The following TCF4 variants were observed in gnomAD, a reference collection of about 807,000 sequenced individuals.
TCF4 encodes the protein transcription factor 4.
TCF4 carries 3 observed loss-of-function variants against 82.1 expected under a neutral mutation model. The ratio of observed to expected loss-of-function variants is 0.04; its 90% confidence interval spans 0.02 to 0.09. The LOEUF (loss-of-function observed/expected upper bound fraction) is 0.09. TCF4 is among the 10% of genes least tolerant of loss of function. TCF4 has a pLI of 1.00. For synonymous variants in TCF4, 276 were observed against 309.6 expected, an observed-to-expected ratio of 0.89 and a Z score of 1.14; for missense variants, 518 against 852.7, an observed-to-expected ratio of 0.61 and a Z score of 4.89.
At chr18:55,237,448 A>G (rs1337629728) in intron 15 of TCF4, among the ~76,000 whole-genome samples, 1 of 150,258 alleles carries the variant, frequency 6.7e-6, no homozygotes, top group African/African-American at 2.4e-5. Flanking sequence ...AAAGAATGTT[A>G]GAGACAAAGT....
chr18:55,585,590 A>G, intron 2 of TCF4: 1 of 600,046 alleles, frequency 1.7e-6, no homozygotes, highest in Non-Finnish European at 2.8e-6. Context: ...GCCAAGCAGT[A>G]CTACTGCTAC....
intron 5 of TCF4, among the ~76,000 whole-genome samples, chr18:55,446,408 G>C (rs1053521265): frequency 6.6e-6 from 1 of 152,144 alleles, no homozygotes; most frequent in African/African-American, 2.4e-5. Flanking sequence ...ATGTTTAGCT[G>C]CTATTCCACC....
intron 3 of TCF4, among the ~76,000 whole-genome samples, chr18:55,534,700 TA>T (rs953626775): frequency 1.3e-5 from 2 of 152,100 alleles, no homozygotes; most frequent in South Asian, 2.1e-4. Flanking sequence ...AAATTCAGCT[TA>T]AAAAAAACCC....
intron 5 of TCF4, among the ~76,000 whole-genome samples, chr18:55,433,666 C>T (rs1050607919): frequency 3.9e-5 from 6 of 152,346 alleles, no homozygotes; most frequent in Non-Finnish European, 5.9e-5. Context: ...GTGTGTGCTG[C>T]TGATGACAGC....
At chr18:55,277,758 G>A (rs2061742147) in intron 9 of TCF4, among the ~76,000 whole-genome samples, 1 of 152,002 alleles carries the variant, frequency 6.6e-6, no homozygotes, top group South Asian at 2.1e-4. Flanking sequence ...ACTTTCCTGG[G>A]CAGATAGAAA....
intron 5 of TCF4, among the ~76,000 whole-genome samples, chr18:55,455,328 G>A (rs963984416): frequency 4.0e-5 from 6 of 151,788 alleles, no homozygotes; most frequent in South Asian, 2.1e-4. Flanking sequence ...AAACACCAGC[G>A]ATGAGGCTCA....
At chr18:55,331,098 C>T (rs1239980627) in intron 8 of TCF4, among the ~76,000 whole-genome samples, 1 of 152,100 alleles carries the variant, frequency 6.6e-6, no homozygotes, top group Non-Finnish European at 1.5e-5. Flanking sequence ...AGCAAAACTC[C>T]ACACGGTCCC....
chr18:55,552,290 A>C (rs1454934382), intron 3 of TCF4, among the ~76,000 whole-genome samples: 1 of 152,220 alleles, frequency 6.6e-6, no homozygotes, highest in Non-Finnish European at 1.5e-5. Flanking sequence ...TACTTACAGT[A>C]GTTTATGAAT....
intron 8 of TCF4, among the ~76,000 whole-genome samples, chr18:55,315,470 A>C (rs1447601680): frequency 6.6e-6 from 1 of 152,146 alleles, no homozygotes; most frequent in African/African-American, 2.4e-5. Flanking sequence ...TGTGCCATAA[A>C]TACATCTGCA....
intron 5 of TCF4, among the ~76,000 whole-genome samples, chr18:55,430,187 A>T (rs547810476): frequency 1.3e-5 from 2 of 152,280 alleles, no homozygotes; most frequent in South Asian, 2.1e-4. Context: ...AGGCACTCTT[A>T]TCTCTATCAA....
At chr18:55,486,737 C>T (rs528610759) in intron 3 of TCF4, among the ~76,000 whole-genome samples, 8 of 152,188 alleles carry the variant, frequency 5.3e-5, no homozygotes, top group South Asian at 2.1e-4. Context: ...TAACTCAAGA[C>T]GCATGGAAAA....
intron 3 of TCF4, among the ~76,000 whole-genome samples, chr18:55,531,861 G>A (rs2097067145): frequency 6.6e-6 from 1 of 152,136 alleles, no homozygotes; most frequent in Admixed American, 6.6e-5. Context: ...ATAAACATCA[G>A]CCATGACCAA....
At chr18:55,429,785 A>AC (rs1252630872) in intron 5 of TCF4, among the ~76,000 whole-genome samples, 2 of 150,920 alleles carry the variant, frequency 1.3e-5, no homozygotes, top group Non-Finnish European at 3.0e-5. Context: ...AAAAAAAAAA[A>AC]AAAACAATTT....
chr18:55,523,479 AATTT>A lies in TCF4; in HGVS notation c.146-59346_146-59343del, dbSNP rs896537167. Among the ~76,000 whole-genome samples the A allele has an allele frequency of 1.3e-3, 200 of 152,114 alleles. 2 individuals carry two copies. Among genetic ancestry groups the A allele is most frequent in the African/African-American group, 4.6e-3 (191 of 41,576 alleles). On this transcript the variant is annotated intron_variant, in intron 3 of 19. Transcript: ENST00000354452. ...AGAAAAATATATAACAATAAGTATG[AATTT>A]ATTTAAATAATCTAAAATTGCATAC...
chr18:55,608,668 G>A (rs904595775), intron 2 of TCF4, among the ~76,000 whole-genome samples: 4 of 152,082 alleles, frequency 2.6e-5, no homozygotes, highest in East Asian at 1.9e-4. Context: ...CTAAGACAGC[G>A]TCCCGCCTTC....
At chr18:55,425,157 G>C (rs887800707) in intron 5 of TCF4, among the ~76,000 whole-genome samples, 3 of 152,178 alleles carry the variant, frequency 2.0e-5, no homozygotes, top group African/African-American at 7.2e-5. Context: ...AAATGAAATA[G>C]AGTACAGGCT....
intron 3 of TCF4, among the ~76,000 whole-genome samples, chr18:55,489,356 T>C (rs762348965): frequency 6.6e-6 from 1 of 152,120 alleles, no homozygotes; most frequent in Non-Finnish European, 1.5e-5. Context: ...GGAAGTGAGC[T>C]GTAATCTCTT....
rs201376448 is a variant in TCF4 at position 55,387,357 on chromosome 18, GC to G, written c.369+16096del. 3.3e-5 allele frequency among the ~76,000 whole-genome samples: 5 copies of G among 152,180 alleles called. No homozygotes were observed. In the East Asian group the frequency reaches 9.6e-4, roughly 29 times the overall value. ...CCTCTGGGGGCTGAAGATAGTCAAG[GC>G]TCTCTCTAGTTTCATCAGGGACGAC... On this transcript the variant is annotated intron_variant, in intron 6 of 19. Transcript: ENST00000354452.
chr18:55,547,034 C>T (rs2097213297), intron 3 of TCF4: 1 of 152,204 alleles, frequency 6.6e-6, no homozygotes, highest in South Asian at 2.1e-4. Flanking sequence ...AAACATTCTC[C>T]AAAGTTCCGC....
Sources: gnomAD v4.1 joint callset for allele counts (sites outside exome capture counted in the v4.1 genomes callset) on GRCh38, gnomAD v4.1.1 for gene constraint, MANE v1.5 for transcripts, NCBI Gene and HGNC (gene_info 2026-07-23, HGNC 2026-07-21) for gene names.